DENND11: variants seen among roughly 807,000 people sequenced by gnomAD.
The protein encoded by DENND11 is DENN domain containing 11.
DENND11 carries 34 observed loss-of-function variants against 49.2 expected under a neutral mutation model. The observed-to-expected ratio is 0.69, with a 90% CI of 0.53 to 0.92. The LOEUF (loss-of-function observed/expected upper bound fraction) is 0.92, where lower values mean the gene tolerates loss of function less well. Ranked by LOEUF, DENND11 falls within the 40% of genes least tolerant of loss-of-function variation. DENND11 has a pLI of 0.00. For missense variants in DENND11, 475 were observed against 581.6 expected (o/e 0.82, Z 1.88); for synonymous variants, 238 against 230.3 (o/e 1.03, Z -0.30).
In DENND11 at chr7:141,699,396, C is replaced by A. The variant is rs529604154; in HGVS notation, c.268+2490G>T. 2.8e-4 allele frequency among the ~76,000 whole-genome samples: 43 copies of A among 152,212 alleles called. 1 individual carries two copies. The highest frequency in any genetic ancestry group is 6.8e-3 in the Middle Eastern group (2 of 292). The stretch of plus-strand genomic sequence containing the variant: ...GCTCAGTAGCATTCATTCACTACAT[C>A]TCCTACTTTTAAGATATATATAAAA... On this transcript the variant is annotated intron_variant, in intron 1 of 8. Coordinates refer to ENST00000536163, the MANE Select transcript of DENND11 (RefSeq NM_001080392.2).
In DENND11 at chr7:141,657,972, A is replaced by G. The variant is rs1797724528; in HGVS notation, c.*4684T>C. ...TACTAGAGCTTTACTGAAGGTTGGT[A>G]TTTTTATGTCAACCTTCCTAGGACT... On this transcript the variant is annotated 3_prime_UTR_variant, in exon 9 of 9. Transcript: ENST00000536163. The G allele has an allele frequency of 6.6e-6, 1 of 152,540 alleles. No homozygotes were observed. 9.4% of individuals were successfully genotyped at this position (152,540 alleles called of 1,614,324 possible). A position where few individuals can be genotyped will look rare whatever the true frequency, so the allele number is the denominator to read the frequency against.
rs1340422357 is a variant in DENND11, at chr7:141,665,294, T to C, written c.845A>G (p.Asn282Ser). ...GCCCCCGATGCCAGGCAGTGAAACG[T>C]TGGCCAAGCAGCAGCAGCAGTACAC... ...YRVYCCCCLA[N>S]VSLPGIGGTI... The change falls in exon 6 of 9, where the codon AAC becomes AGC. Residue 282 changes from asparagine to serine, a missense_variant. By Grantham distance (46) the Asn-to-Ser change is conservative. Coordinates refer to ENST00000536163, the MANE Select transcript of DENND11 (RefSeq NM_001080392.2). 2.5e-6 allele frequency: 4 copies of C among 1,613,818 alleles called. No homozygotes were observed. The highest frequency in any genetic ancestry group is 2.2e-5 in the East Asian group (1 of 44,830).
intron 5 of DENND11, 26 bp from the exon 6 acceptor site, chr7:141,665,344 G>A (rs2117052266): frequency 1.2e-6 from 2 of 1,613,202 alleles, no homozygotes. Context: ...AGGTGAGCGG[G>A]GAGGGTCTGC....
chr7:141,677,961 C>CTTTTT (rs796426020), intron 3 of DENND11, among the ~76,000 whole-genome samples: 1 of 146,222 alleles, frequency 6.8e-6, no homozygotes, highest in African/African-American at 2.5e-5. Flanking sequence ...CCTCAATAAT[C>CTTTTT]TTTTTTTTTT....
In DENND11 at chr7:141,674,235, A is replaced by C; in HGVS notation, c.528-15T>G. Reference sequence around the variant, plus strand: ...CCAACTGGTGCCTGCAGAAAAACACACACACACACACACACACACACACAG... The same window carrying C: ...CCAACTGGTGCCTGCAGAAAAACACCCACACACACACACACACACACACAG... On this transcript the variant is annotated splice_polypyrimidine_tract_variant and intron_variant, in intron 3 of 8. Transcript: ENST00000536163. The C allele has an allele frequency of 1.4e-6, 2 of 1,394,820 alleles. No individual in the cohort carries two copies. Among genetic ancestry groups the C allele is most frequent in the Non-Finnish European group, 2.0e-6 (2 of 1,023,736 alleles). The allele number at this position is 1,394,820 out of a possible 1,614,324, so 86.4% of individuals were successfully genotyped here. A position where few individuals can be genotyped will look rare whatever the true frequency, so the allele number is the denominator to read the frequency against.
intron 4 of DENND11, among the ~76,000 whole-genome samples, chr7:141,673,681 A>C (rs997743547): frequency 1.3e-5 from 2 of 152,242 alleles, no homozygotes; most frequent in African/African-American, 4.8e-5. Flanking sequence ...AAAGTACTTC[A>C]GGAACAAATA....
At chr7:141,700,972 C>T (rs1303681945) in intron 1 of DENND11, among the ~76,000 whole-genome samples, 1 of 152,132 alleles carries the variant, frequency 6.6e-6, no homozygotes, top group Non-Finnish European at 1.5e-5. Context: ...TAAGCCCTGA[C>T]ACCACGACTC....
At chr7:141,683,180 G>A (rs1209917971) in intron 3 of DENND11, among the ~76,000 whole-genome samples, 1 of 151,988 alleles carries the variant, frequency 6.6e-6, no homozygotes, top group Non-Finnish European at 1.5e-5. Context: ...GACAATGGGA[G>A]AAAAACATAT....
At chr7:141,680,404 G>C (rs1798131046) in intron 3 of DENND11, among the ~76,000 whole-genome samples, 1 of 152,016 alleles carries the variant, frequency 6.6e-6, no homozygotes, top group Non-Finnish European at 1.5e-5. Context: ...GAAATGAACT[G>C]TGATTACTGA....
Position 141,697,346 on chromosome 7 carries a change from C to T in DENND11, c.268+4540G>A, listed in dbSNP as rs141792350. ...GCAGATGGCTACAAACTGATTTCTC[C>T]CTGAAAACCACAAGCAGGTGAATCA... On this transcript the variant is annotated intron_variant, in intron 1 of 8. Transcript: ENST00000536163. 6.6e-5 allele frequency among the ~76,000 whole-genome samples: 10 copies of T among 152,226 alleles called. No individual in the cohort carries two copies. The East Asian group carries it at 1.7e-3, about 26-fold the overall frequency.
At chr7:141,700,098 CTG>C (rs1798483590) in intron 1 of DENND11, among the ~76,000 whole-genome samples, 1 of 152,158 alleles carries the variant, frequency 6.6e-6, no homozygotes, top group Non-Finnish European at 1.5e-5. Context: ...CCCTATCTGT[CTG>C]TAATTAGTAT....
intron 1 of DENND11, among the ~76,000 whole-genome samples, chr7:141,692,714 G>A (rs917673248): frequency 1.3e-5 from 2 of 152,068 alleles, no homozygotes; most frequent in African/African-American, 2.4e-5. Flanking sequence ...GCATGGTGGT[G>A]TGTGCCTGTC....
At chr7:141,668,017 T>C (rs1335551360) in intron 4 of DENND11, among the ~76,000 whole-genome samples, 2 of 152,226 alleles carry the variant, frequency 1.3e-5, no homozygotes, top group East Asian at 3.8e-4. Flanking sequence ...AGCAACCAGA[T>C]AGGAAAGGGT....
intron 1 of DENND11, 49 bp from the exon 2 acceptor site, chr7:141,686,707 A>G (rs1798249329): frequency 7.5e-7 from 1 of 1,337,224 alleles, no homozygotes; most frequent in African/African-American, 1.4e-5. Context: ...TCATTCAAAG[A>G]AAATGGGTTA....
chr7:141,698,209 C>T (rs1007752657), intron 1 of DENND11, among the ~76,000 whole-genome samples: 10 of 152,358 alleles, frequency 6.6e-5, no homozygotes, highest in African/African-American at 2.2e-4. Flanking sequence ...ACGGTGATAC[C>T]GCTCTTGCCA....
intron 4 of DENND11, among the ~76,000 whole-genome samples, chr7:141,669,939 T>C (rs893373627): frequency 4.0e-5 from 6 of 149,796 alleles, no homozygotes; most frequent in African/African-American, 1.5e-4. Context: ...GCCTCCCGAG[T>C]AGCTGGGACT....
In DENND11 at chr7:141,700,330, A is replaced by C. The variant is rs1001613010; in HGVS notation, c.268+1556T>G. On this transcript the variant is annotated intron_variant, in intron 1 of 8. Coordinates refer to ENST00000536163, the MANE Select transcript of DENND11 (RefSeq NM_001080392.2). ...TGGTTTTTGTCTAGCATTACGGGTAACTTTGGTCAAAAAAGACCAATACTT... is the reference window on the plus strand; with the variant it reads ...TGGTTTTTGTCTAGCATTACGGGTACCTTTGGTCAAAAAAGACCAATACTT... Among the ~76,000 whole-genome samples, 6 of 152,126 alleles carry C rather than the reference A, an allele frequency of 3.9e-5. No homozygotes were observed. The South Asian group carries it at 1.2e-3, about 31-fold the overall frequency.
At chr7:141,664,750 G>A (rs887488168) in intron 7 of DENND11, among the ~76,000 whole-genome samples, 154 bp downstream of exon 7, 6 of 152,184 alleles carry the variant, frequency 3.9e-5, no homozygotes, top group African/African-American at 1.4e-4. Context: ...TTCTACTGCG[G>A]GGCTTCCCTT....
At chr7:141,677,402 AATAT>A (rs1212482936) in intron 3 of DENND11, among the ~76,000 whole-genome samples, 46 of 75,876 alleles carry the variant, frequency 6.1e-4, no homozygotes, top group East Asian at 4.0e-3. Context: ...AAAAAAAAAA[AATAT>A]ATATATATAT....
Sources: gnomAD v4.1 joint callset for allele counts (sites outside exome capture counted in the v4.1 genomes callset) on GRCh38, gnomAD v4.1.1 for gene constraint, MANE v1.5 for transcripts, NCBI Gene and HGNC (gene_info 2026-07-23, HGNC 2026-07-21) for gene names.